TRHDE: variants seen among roughly 807,000 people sequenced by gnomAD.
TRHDE encodes thyrotropin-releasing hormone-degrading ectoenzyme.
TRHDE carries 72 observed loss-of-function variants against 125.7 expected under a neutral mutation model. The ratio of observed to expected loss-of-function variants is 0.57; its 90% CI spans 0.47 to 0.70. TRHDE has a LOEUF of 0.70. Ranked by LOEUF, TRHDE falls within the 30% of genes least tolerant of loss-of-function variation. TRHDE has a pLI of 0.00. For synonymous variants in TRHDE, 509 were observed against 509.1 expected, an observed-to-expected ratio of 1.00 and a Z score of 0.00; for missense variants, 1,110 against 1,327.1, an observed-to-expected ratio of 0.84 and a Z score of 2.54.
chr12:72,349,555 C>CG lies in TRHDE; in HGVS notation c.1189-28433dup, dbSNP rs199899733. ...TTAGGTCCCTTTGCCTTTTTTTGGG[C>CG]GGGGGGGTGGTGTGGCTTATAGACA... On this transcript the variant is annotated intron_variant, in intron 2 of 18. Coordinates refer to ENST00000261180, the MANE Select transcript of TRHDE (RefSeq NM_013381.3). 6.3e-3 allele frequency among the ~76,000 whole-genome samples: 946 copies of CG among 151,182 alleles called. 9 individuals are homozygous for CG. Among genetic ancestry groups the CG allele is most frequent in the African/African-American group, 0.021 (851 of 41,178 alleles).
At chr12:72,372,876 C>T (rs1245045797) in intron 2 of TRHDE, among the ~76,000 whole-genome samples, 2 of 152,174 alleles carry the variant, frequency 1.3e-5, no homozygotes, top group African/African-American at 4.8e-5. Flanking sequence ...GATGTGGGCT[C>T]TTTTTTGGTT....
chr12:72,318,364 G>A (rs1868908971), intron 2 of TRHDE, among the ~76,000 whole-genome samples: 2 of 152,172 alleles, frequency 1.3e-5, no homozygotes. Flanking sequence ...GCATAACCTT[G>A]TAATTGGTAA....
At chr12:72,643,672 C>T (rs1215322982) in intron 15 of TRHDE, among the ~76,000 whole-genome samples, 1 of 152,110 alleles carries the variant, frequency 6.6e-6, no homozygotes, top group Non-Finnish European at 1.5e-5. Flanking sequence ...CTTCTTCTTG[C>T]TCTGCATATG....
chr12:72,543,797 GATTATT>G (rs57214635), intron 7 of TRHDE, among the ~76,000 whole-genome samples: 10,668 of 142,172 alleles, frequency 0.075, 467 homozygotes, highest in Middle Eastern at 0.12. Flanking sequence ...ATTTGGAAAG[GATTATT>G]ATTATTATTA....
At position 72,570,559 on chromosome 12, in the gene TRHDE, TGAGA is replaced by T. The variant is rs1214265042; in HGVS notation, c.2131+1912_2131+1915del. On this transcript the variant is annotated intron_variant, in intron 10 of 18. Transcript: ENST00000261180. ...TCGCGCTATGGCACTCCAGCCTGAG[TGAGA>T]GAGAGAGACTGTCTCAAAAAAAAAA... 1.8e-4 allele frequency among the ~76,000 whole-genome samples: 21 copies of T among 118,822 alleles called. No individual in the cohort carries two copies. The South Asian group carries it at 2.3e-3, about 13-fold the overall frequency. 78.0% of individuals were successfully genotyped at this position (118,822 alleles called of 152,430 possible). A position where few individuals can be genotyped will look rare whatever the true frequency, so the allele number is the denominator to read the frequency against.
chr12:72,568,400 G>C (rs1228396118), intron 9 of TRHDE, among the ~76,000 whole-genome samples, 168 bp from the exon 10 acceptor site: 1 of 152,080 alleles, frequency 6.6e-6, no homozygotes, highest in Admixed American at 6.6e-5. Flanking sequence ...CATTGAAAGA[G>C]TGAATTCATC....
rs183186158 is a variant in TRHDE, at chr12:72,454,100, A to C, written c.1316-15658A>C. Among the ~76,000 whole-genome samples, 3 of 152,322 alleles carry C rather than the reference A, an allele frequency of 2.0e-5. No homozygotes were observed. In the East Asian group the frequency reaches 5.8e-4, roughly 29 times the overall value. On this transcript the variant is annotated intron_variant, in intron 3 of 18. Transcript: ENST00000261180. ...GTATACTTATGATTTTCAGTAGCTA[A>C]ATTTCAAGGCACATATGCGTGTAGA...
chr12:72,590,027 A>G (rs926707584), intron 12 of TRHDE, among the ~76,000 whole-genome samples: 3 of 152,004 alleles, frequency 2.0e-5, no homozygotes, highest in Admixed American at 2.0e-4. Flanking sequence ...AAGCCATAAA[A>G]TTTCCTCAAA....
At chr12:72,532,449 T>G (rs1187622787) in intron 6 of TRHDE, among the ~76,000 whole-genome samples, 1 of 151,278 alleles carries the variant, frequency 6.6e-6, no homozygotes, top group East Asian at 2.0e-4. Context: ...ATTATACTTT[T>G]GAATAGAAAT....
chr12:72,227,442 A>T (rs968111956), intron 2 of TRHDE, among the ~76,000 whole-genome samples: 12 of 152,016 alleles, frequency 7.9e-5, no homozygotes, highest in Admixed American at 5.2e-4. Context: ...CATGGGAAAG[A>T]CTCACCCCTG....
At chr12:72,332,744 A>G (rs1246245062) in intron 2 of TRHDE, among the ~76,000 whole-genome samples, 1 of 152,254 alleles carries the variant, frequency 6.6e-6, no homozygotes, top group Non-Finnish European at 1.5e-5. Context: ...GGACAGAGAC[A>G]CTGCTCTCAG....
intron 2 of TRHDE, among the ~76,000 whole-genome samples, chr12:72,181,948 A>G (rs1191444428): frequency 6.6e-6 from 1 of 152,202 alleles, no homozygotes; most frequent in Non-Finnish European, 1.5e-5. Context: ...TGATTTTCAG[A>G]AACACATTGC....
At chr12:72,416,758 C>T (rs1051611836) in intron 3 of TRHDE, among the ~76,000 whole-genome samples, 35 of 151,966 alleles carry the variant, frequency 2.3e-4, no homozygotes, top group Admixed American at 1.1e-3. Context: ...ATACCTGTAC[C>T]GTGCTGTTTA....
chr12:72,649,699 A>G (rs1468309895), intron 15 of TRHDE, among the ~76,000 whole-genome samples: 1 of 152,130 alleles, frequency 6.6e-6, no homozygotes, highest in Non-Finnish European at 1.5e-5. Context: ...TAGGAAAACA[A>G]TATTAATCCA....
chr12:72,521,417 C>A (rs1202563026), intron 6 of TRHDE, among the ~76,000 whole-genome samples: 1 of 152,172 alleles, frequency 6.6e-6, no homozygotes, highest in African/African-American at 2.4e-5. Context: ...CTCAGAGACC[C>A]TGAGTGGAGA....
At chr12:72,524,461 A>C (rs550228409) in intron 6 of TRHDE, among the ~76,000 whole-genome samples, 1 of 152,316 alleles carries the variant, frequency 6.6e-6, no homozygotes, top group African/African-American at 2.4e-5. Context: ...GTGATAAAAC[A>C]AGGTGCAGAT....
chr12:72,098,317 T>C (rs1472845294), intron 1 of TRHDE, among the ~76,000 whole-genome samples: 1 of 152,132 alleles, frequency 6.6e-6, no homozygotes, highest in Non-Finnish European at 1.5e-5. Flanking sequence ...TTACCCTGTT[T>C]CCCCCAGTGG....
chr12:72,630,472 G>A (rs1170567475), intron 15 of TRHDE, among the ~76,000 whole-genome samples: 1 of 151,692 alleles, frequency 6.6e-6, no homozygotes, highest in Non-Finnish European at 1.5e-5. Context: ...TCTGCTCTCA[G>A]ACCAGCGAGA....
intron 3 of TRHDE, among the ~76,000 whole-genome samples, chr12:72,425,595 GAAGAT>G (rs1874149172): frequency 6.6e-6 from 1 of 151,970 alleles, no homozygotes; most frequent in Admixed American, 6.6e-5. Context: ...TCACAGGATT[GAAGAT>G]AAGTGGAAAA....
Sources: gnomAD v4.1 joint callset for allele counts (sites outside exome capture counted in the v4.1 genomes callset) on GRCh38, gnomAD v4.1.1 for gene constraint, MANE v1.5 for transcripts, NCBI Gene and HGNC (gene_info 2026-07-23, HGNC 2026-07-21) for gene names.